Variants in EBF2 observed in about 807,000 individuals in gnomAD.
EBF2 encodes EBF transcription factor 2, also known as transcription factor COE2.
A neutral mutation model predicts 72.8 loss-of-function variants in EBF2; 21 were observed. The observed-to-expected ratio is 0.29, with a 90% confidence interval of 0.20 to 0.42. The LOEUF (loss-of-function observed/expected upper bound fraction) is 0.42. Ranked by LOEUF, EBF2 falls within the 10% of genes least tolerant of loss-of-function variation. The pLI, the probability that EBF2 is intolerant of heterozygous loss-of-function variation, is 1.00. For missense variants in EBF2, 637 were observed against 731.2 expected, an observed-to-expected ratio of 0.87 and a Z score of 1.49; for synonymous variants, 299 against 274.2, an observed-to-expected ratio of 1.09 and a Z score of -0.89.
At chr8:26,001,483 G>A (rs1439145950) in intron 6 of EBF2, among the ~76,000 whole-genome samples, 2 of 152,048 alleles carry the variant, frequency 1.3e-5, no homozygotes. Flanking sequence ...TTCTCTTACA[G>A]TATCTATAAT....
At chr8:25,961,631 G>A (rs1804036794) in intron 6 of EBF2, among the ~76,000 whole-genome samples, 3 of 152,176 alleles carry the variant, frequency 2.0e-5, no homozygotes, top group Admixed American at 2.0e-4. Context: ...AAAGTGCTGG[G>A]ATTACAGGTA....
intron 6 of EBF2, among the ~76,000 whole-genome samples, chr8:25,963,097 C>T (rs1001965630): frequency 6.6e-6 from 1 of 152,156 alleles, no homozygotes; most frequent in Non-Finnish European, 1.5e-5. Flanking sequence ...TTGTGTATCC[C>T]GTTCCTGTTG....
intron 6 of EBF2, among the ~76,000 whole-genome samples, chr8:25,974,738 C>T (rs1804241796): frequency 1.3e-5 from 2 of 152,158 alleles, no homozygotes; most frequent in Admixed American, 1.3e-4. Flanking sequence ...TCCTGCCAAA[C>T]TCCCCCTGCC....
intron 10 of EBF2, among the ~76,000 whole-genome samples, chr8:25,866,698 C>T (rs1802335648): frequency 7.0e-6 from 1 of 143,668 alleles, no homozygotes; most frequent in Non-Finnish European, 1.5e-5. Context: ...ATGGCATGAT[C>T]TTGGCTCACT....
chr8:25,919,632 A>AT (rs924387694), intron 6 of EBF2, among the ~76,000 whole-genome samples: 5 of 152,106 alleles, frequency 3.3e-5, no homozygotes, highest in African/African-American at 1.2e-4. Context: ...CCAAAAAAAA[A>AT]TTTTTTTTTA....
At chr8:25,856,608 C>G (rs1585260439) in intron 14 of EBF2, among the ~76,000 whole-genome samples, 1 of 152,292 alleles carries the variant, frequency 6.6e-6, no homozygotes, top group East Asian at 1.9e-4. Context: ...GTTAATTCAT[C>G]TTATTGTTGT....
chr8:25,867,720 T>C (rs975498733), intron 10 of EBF2, among the ~76,000 whole-genome samples: 2 of 152,202 alleles, frequency 1.3e-5, no homozygotes, highest in Admixed American at 1.3e-4. Flanking sequence ...GATTCAGCTT[T>C]AAATATCCAA....
intron 6 of EBF2, among the ~76,000 whole-genome samples, chr8:25,982,895 C>T (rs1804386039): frequency 6.6e-6 from 1 of 151,504 alleles, no homozygotes; most frequent in African/African-American, 2.4e-5. Flanking sequence ...TGTGTAATTA[C>T]ATATCAATAT....
chr8:25,886,675 G>A (rs754649406), intron 10 of EBF2, 80 bp downstream of exon 10: 139 of 1,452,968 alleles, frequency 9.6e-5, no homozygotes, highest in Non-Finnish European at 1.2e-4. Flanking sequence ...AAATCAGGAC[G>A]ATTACAAAGT....
At chr8:25,987,476 A>G (rs12675395) in intron 6 of EBF2, among the ~76,000 whole-genome samples, 98,448 of 151,762 alleles carry the variant, frequency 0.65, 32,171 homozygotes, top group South Asian at 0.78. Context: ...AGTCATTTAC[A>G]CCTTCAAAAC....
At chr8:25,965,396 T>G (rs562266728) in intron 6 of EBF2, among the ~76,000 whole-genome samples, 1 of 152,218 alleles carries the variant, frequency 6.6e-6, no homozygotes, top group East Asian at 1.9e-4. Context: ...GTGCTTTTGA[T>G]CTCATCTAGC....
At chr8:25,871,125 G>A (rs928866042) in intron 10 of EBF2, among the ~76,000 whole-genome samples, 6 of 152,082 alleles carry the variant, frequency 3.9e-5, no homozygotes, top group East Asian at 3.8e-4. Flanking sequence ...TTGCTTTTGC[G>A]TCTCTTAGAT....
intron 15 of EBF2, among the ~76,000 whole-genome samples, chr8:25,849,504 G>A (rs1452553000): frequency 1.3e-5 from 2 of 152,164 alleles, no homozygotes; most frequent in Non-Finnish European, 2.9e-5. Context: ...ATCCATGAGG[G>A]TTAATGAAAC....
intron 6 of EBF2, among the ~76,000 whole-genome samples, chr8:26,024,462 G>A (rs912796449): frequency 6.6e-6 from 1 of 152,036 alleles, no homozygotes; most frequent in East Asian, 1.9e-4. Flanking sequence ...GGCATAATAG[G>A]CCCTTGATAA....
chr8:25,971,673 C>T (rs1379318578), intron 6 of EBF2, among the ~76,000 whole-genome samples: 1 of 151,998 alleles, frequency 6.6e-6, no homozygotes, highest in Non-Finnish European at 1.5e-5. Context: ...GAAAAAAAAA[C>T]ACAAAACTTT....
chr8:25,948,251 C>T (rs1803804350), intron 6 of EBF2, among the ~76,000 whole-genome samples: 1 of 152,154 alleles, frequency 6.6e-6, no homozygotes, highest in Admixed American at 6.5e-5. Context: ...TGCCGCATAC[C>T]TCCACCCCAG....
At chr8:25,894,944 A>G (rs1162301257) in intron 7 of EBF2, among the ~76,000 whole-genome samples, 1 of 152,226 alleles carries the variant, frequency 6.6e-6, no homozygotes, top group Non-Finnish European at 1.5e-5. Context: ...AGGAACTTCT[A>G]TGCCTCATCG....
In EBF2 at chr8:25,841,881, A is replaced by C. The variant is rs1482350513; in HGVS notation, c.*2728T>G. ...TTTACAAAAAGCTCTGTGCATAGCA[A>C]CTTTATACTGTATATAACTGACAAA... On this transcript the variant is annotated 3_prime_UTR_variant, in exon 16 of 16. Transcript: ENST00000520164. The C allele has an allele frequency of 6.6e-6, 1 of 152,232 alleles. No individual in the cohort carries two copies. The highest frequency in any genetic ancestry group is 1.5e-5 in the Non-Finnish European group (1 of 68,050). 9.4% of individuals were successfully genotyped at this position (152,232 alleles called of 1,614,324 possible).
rs769257476 is a variant in EBF2 at position 25,858,426 on chromosome 8, G to A, written c.1421C>T (p.Thr474Ile). 5 of 1,613,988 alleles carry A rather than the reference G, an allele frequency of 3.1e-6. No homozygotes were observed. Among genetic ancestry groups the A allele is most frequent in the Non-Finnish European group, 4.2e-6 (5 of 1,180,034 alleles). ...SSTPQQSNYS[T>I]SSNSMNGYSN... is the part of the protein sequence containing the mutation. ...GTAGCCATTCATACTGTTGCTGGAG[G>A]TACTGTAATTAGACTGTTGAGGCGT... Residue 474 changes from threonine to isoleucine, a missense_variant, in exon 14 of 16, where the codon ACC (threonine) becomes ATC (isoleucine). This residue lies in a region of EBF2 where 259 missense variants were observed against 268.1 expected (regional missense o/e 0.97). Transcript: ENST00000520164.
Sources: gnomAD v4.1 joint callset for allele counts (sites outside exome capture counted in the v4.1 genomes callset) on GRCh38, gnomAD v4.1.1 for gene constraint, gnomAD v4.1.1 regional missense constraint, MANE v1.5 for transcripts, NCBI Gene and HGNC (gene_info 2026-07-23, HGNC 2026-07-21) for gene names.